SNRPN: variants seen among roughly 807,000 people sequenced by gnomAD.
SNRPN encodes the protein small nuclear ribonucleoprotein-associated protein N.
Under a neutral mutation model 25.2 loss-of-function variants are expected in SNRPN, and 7 were observed. The observed-to-expected ratio is 0.28, with a 90% confidence interval of 0.16 to 0.52. SNRPN has a LOEUF of 0.52. Among genes scored for constraint, SNRPN ranks in the 20% least tolerant of loss-of-function variants. The pLI is 0.96. For missense variants in SNRPN, 196 were observed against 322.5 expected, an observed-to-expected ratio of 0.61 and a Z score of 3.00; for synonymous variants, 124 against 110.6, an observed-to-expected ratio of 1.12 and a Z score of -0.76.
Position 24,857,231 on chromosome 15 carries a change from G to A in SNRPN, c.-579+515G>A, listed in dbSNP as rs562128217. On this transcript the variant is annotated intron_variant, in intron 1 of 11. Coordinates refer to the SNRPN transcript ENST00000400097. ...AATGTAGAGACAGTCACTGCACTGC[G>A]CAAATAGGAATGTCGTCATGTTGTT... Among the ~76,000 whole-genome samples the A allele has an allele frequency of 8.5e-5, 13 of 152,290 alleles. No homozygotes were observed. In the South Asian group the frequency reaches 1.9e-3, roughly 22 times the overall value.
rs2076824539 is a variant in SNRPN at position 24,974,411 on chromosome 15, T to A, written c.-43T>A. 1 of 1,606,866 alleles carries A rather than the reference T, an allele frequency of 6.2e-7. No homozygotes were observed. The highest frequency in any genetic ancestry group is 8.5e-7 in the Non-Finnish European group (1 of 1,173,542). ...GCCTTCCCCTAGGTCTTCAGAAGCA[T>A]CAAGTTTTAACTGTGGACATTGGAT... On this transcript the variant is annotated 5_prime_UTR_variant, in exon 4 of 10. Coordinates refer to ENST00000390687, the MANE Select transcript of SNRPN (RefSeq NM_003097.6).
chr15:24,892,408 G>T (rs1357292480), intron 2 of SNRPN, among the ~76,000 whole-genome samples: 1 of 152,060 alleles, frequency 6.6e-6, no homozygotes, highest in Non-Finnish European at 1.5e-5. Context: ...AGAAAGAGGG[G>T]GAAGGAAGAG....
chr15:24,949,221 C>T (rs939208353), intron 3 of SNRPN, among the ~76,000 whole-genome samples: 21 of 151,790 alleles, frequency 1.4e-4, no homozygotes, highest in Non-Finnish European at 4.4e-5. Flanking sequence ...AAGGTTTTGC[C>T]ATGTCGGCCA....
rs1173769093 is a variant in SNRPN at position 24,929,369 on chromosome 15, C to T, written c.-391+9245C>T. On this transcript the variant is annotated intron_variant, in intron 3 of 11. Coordinates refer to the SNRPN transcript ENST00000400097. The surrounding 1 kb of genome is among the most constrained non-coding windows in gnomAD (Gnocchi z 5.3). Reference sequence around the variant, plus strand: ...CCCCTTGCCTCCTAGGGTCCCCTTTCCTCTCATCAGTTGCCAGACAAGAGG... The same window carrying T: ...CCCCTTGCCTCCTAGGGTCCCCTTTTCTCTCATCAGTTGCCAGACAAGAGG... Among the ~76,000 whole-genome samples, 1 of 152,156 alleles carries T rather than the reference C, an allele frequency of 6.6e-6. No homozygotes were observed. The highest frequency in any genetic ancestry group is 1.5e-5 in the Non-Finnish European group (1 of 68,034).
chr15:24,957,602 TG>T (rs2063139181), intron 1 of SNRPN, among the ~76,000 whole-genome samples: 1 of 152,252 alleles, frequency 6.6e-6, no homozygotes, highest in South Asian at 2.1e-4. Flanking sequence ...CTGGTATGTC[TG>T]GTTGCACTGA....
chr15:24,970,808 G>T (rs572787625), intron 3 of SNRPN, among the ~76,000 whole-genome samples: 139 of 152,038 alleles, frequency 9.1e-4, no homozygotes, highest in Non-Finnish European at 1.5e-3. Context: ...GTATTCTGGT[G>T]TTTTTTTGTT....
intron 2 of SNRPN, among the ~76,000 whole-genome samples, chr15:24,914,218 C>A (rs1276044392): frequency 6.6e-6 from 1 of 152,152 alleles, no homozygotes; most frequent in Non-Finnish European, 1.5e-5. Context: ...CTCAACAATG[C>A]TTCCAGTTTT....
chr15:24,881,616 AGAG>A (rs1566864613), intron 1 of SNRPN, among the ~76,000 whole-genome samples: 1,047 of 77,942 alleles, frequency 0.013, 25 homozygotes, highest in African/African-American at 0.052. Flanking sequence ...AGAGAGAGAG[AGAG>A]AAAGTCACAG....
At chr15:24,845,060 A>G (rs2052064570) in intron 2 of SNRPN, among the ~76,000 whole-genome samples, 1 of 152,154 alleles carries the variant, frequency 6.6e-6, no homozygotes, top group Admixed American at 6.5e-5. Flanking sequence ...CTTTTGCTAC[A>G]AATACTCTCC....
In SNRPN at chr15:24,929,922, T is replaced by A. The variant is rs1566924304; in HGVS notation, c.-391+9798T>A. On this transcript the variant is annotated intron_variant, in intron 3 of 11. Coordinates refer to the SNRPN transcript ENST00000400097. The surrounding 1 kb of genome is among the most constrained non-coding windows in gnomAD (Gnocchi z 5.3). The stretch of plus-strand genomic sequence containing the variant: ...TAAAAAAATGGCCAGGCACGGTGGC[T>A]CACACCTATAATCCCAGCACTTTGG... Among the ~76,000 whole-genome samples the A allele has an allele frequency of 6.6e-6, 1 of 152,076 alleles. No individual in the cohort carries two copies. The highest frequency in any genetic ancestry group is 1.5e-5 in the Non-Finnish European group (1 of 68,024).
chr15:24,900,473 T>A (rs1415301463), intron 2 of SNRPN, among the ~76,000 whole-genome samples: 1 of 152,142 alleles, frequency 6.6e-6, no homozygotes, highest in Non-Finnish European at 1.5e-5. Context: ...CTTGTCTCTA[T>A]TGTTTGAAGA....
chr15:24,838,225 C>T lies in SNRPN; in HGVS notation c.-579+8320C>T, dbSNP rs548499733. ...AAAATTTTTGTATTTTTAGTAGAGA[C>T]GGGGTTTCACCGCGTTAGCCAGGAT... On this transcript the variant is annotated intron_variant, in intron 2 of 12. Transcript: ENST00000400100. 7.1e-4 allele frequency among the ~76,000 whole-genome samples: 107 copies of T among 151,268 alleles called. 1 individual carries two copies. In the South Asian group the frequency reaches 0.019, roughly 27 times the overall value.
Position 24,908,052 on chromosome 15 carries a change from CAAAAAAAAAAAAA to C in SNRPN, c.-504-11945_-504-11933del, listed in dbSNP as rs71127014. Among the ~76,000 whole-genome samples the C allele has an allele frequency of 6.3e-3, 447 of 70,728 alleles. 1 individual carries two copies. Among genetic ancestry groups the C allele is most frequent in the Admixed American group, 0.012 (56 of 4,652 alleles). 46.4% of individuals were successfully genotyped at this position (70,728 alleles called of 152,430 possible). A position where few individuals can be genotyped will look rare whatever the true frequency, so the allele number is the denominator to read the frequency against. ...TGGGCAACAGAGCTAGACTCCATCT[CAAAAAAAAAAAAA>C]AAAAAAAAAAAAAGAATAAGAAAGA... On this transcript the variant is annotated intron_variant, in intron 2 of 11. Transcript: ENST00000400097.
chr15:24,928,813 G>T (rs1041613938), intron 3 of SNRPN, among the ~76,000 whole-genome samples: 2 of 151,740 alleles, frequency 1.3e-5, no homozygotes, highest in African/African-American at 4.8e-5. Context: ...TTGCCATGTT[G>T]CCCAGGCTAG....
At position 24,845,208 on chromosome 15, in the gene SNRPN, T is replaced by C. The variant is rs1046810973; in HGVS notation, c.-579+15303T>C. ...TCCATATATGAATATGCATATGCTATACATACATACATATATGTATTTGCT... is the reference window on the plus strand; with the variant it reads ...TCCATATATGAATATGCATATGCTACACATACATACATATATGTATTTGCT... On this transcript the variant is annotated intron_variant, in intron 2 of 12. Coordinates refer to the SNRPN transcript ENST00000400100. Among the ~76,000 whole-genome samples, 44 of 152,252 alleles carry C rather than the reference T, an allele frequency of 2.9e-4. 1 individual carries two copies. The highest frequency in any genetic ancestry group is 1.2e-4 in the Non-Finnish European group (8 of 68,046).
At chr15:24,829,158 G>A (rs71461561) in intron 1 of SNRPN, among the ~76,000 whole-genome samples, 19,514 of 152,060 alleles carry the variant, frequency 0.13, 1,649 homozygotes, top group South Asian at 0.24. Context: ...CTATATGTGT[G>A]GGGCTCACAG....
chr15:24,941,444 C>A (rs1490090079), intron 3 of SNRPN, among the ~76,000 whole-genome samples: 1 of 152,224 alleles, frequency 6.6e-6, no homozygotes, highest in Non-Finnish European at 1.5e-5. Flanking sequence ...TTGTCCTCAG[C>A]AAGCACCACG....
At chr15:24,953,543 G>C (rs183876596), upstream of SNRPN, among the ~76,000 whole-genome samples, 256 of 152,202 alleles carry the variant, frequency 1.7e-3, 1 homozygote, top group African/African-American at 6.0e-3. Context: ...GGATGGTCTC[G>C]ATCTCCTGAC....
At chr15:24,874,750 T>A (rs1258107926) in intron 1 of SNRPN, among the ~76,000 whole-genome samples, 1 of 151,966 alleles carries the variant, frequency 6.6e-6, no homozygotes. Context: ...AATAGGAGAG[T>A]AGGACTCTGT....
Sources: gnomAD v4.1 joint callset for allele counts (sites outside exome capture counted in the v4.1 genomes callset) on GRCh38, gnomAD v4.1.1 for gene constraint, Gnocchi (gnomAD v3.1) non-coding constraint, MANE v1.5 for transcripts, NCBI Gene and HGNC (gene_info 2026-07-23, HGNC 2026-07-21) for gene names.